The following PPP2R2A variants were observed in gnomAD, a reference collection of about 807,000 sequenced individuals.
PPP2R2A encodes serine/threonine-protein phosphatase 2A 55 kDa regulatory subunit B alpha isoform.
PPP2R2A carries 9 observed loss-of-function variants against 53.2 expected under a neutral mutation model. That is an observed-to-expected ratio of 0.17 (90% CI 0.10 to 0.30). The LOEUF is 0.30. Among genes scored for constraint, PPP2R2A ranks in the 10% least tolerant of loss-of-function variants. The pLI is 1.00. For synonymous variants in PPP2R2A, 169 were observed against 174.2 expected (o/e 0.97, Z 0.23); for missense variants, 235 against 534.6 (o/e 0.44, Z 5.53).
chr8:26,309,276 CTCTA>C (rs560619721), intron 2 of PPP2R2A, among the ~76,000 whole-genome samples: 221 of 152,354 alleles, frequency 1.5e-3, no homozygotes, highest in Non-Finnish European at 2.6e-3. Context: ...CCTTGTCCCT[CTCTA>C]TCAGAGTTCT....
At chr8:26,366,845 A>G (rs1805404548) in intron 9 of PPP2R2A, among the ~76,000 whole-genome samples, 1 of 152,176 alleles carries the variant, frequency 6.6e-6, no homozygotes, top group Non-Finnish European at 1.5e-5. Context: ...GATGTTAACC[A>G]TAATATATAT....
chr8:26,345,676 G>A (rs1804175319), intron 3 of PPP2R2A, among the ~76,000 whole-genome samples: 1 of 151,956 alleles, frequency 6.6e-6, no homozygotes, highest in Non-Finnish European at 1.5e-5. Flanking sequence ...TTTTTTCAGG[G>A]TTGGGAGGTG....
intron 2 of PPP2R2A, chr8:26,333,704 C>A: frequency 3.3e-6 from 1 of 301,214 alleles, no homozygotes; most frequent in Non-Finnish European, 5.6e-6. Context: ...ATTTTTGAAC[C>A]TTTGGCTGTA....
At position 26,291,558 on chromosome 8, in the gene PPP2R2A, C is replaced by CGCT; in HGVS notation, c.-260_-259insTGC. The CGCT allele has an allele frequency of 1.9e-6, 1 of 526,146 alleles. No homozygotes were observed. The highest frequency in any genetic ancestry group is 3.4e-6 in the Non-Finnish European group (1 of 297,008). 32.6% of individuals were successfully genotyped at this position (526,146 alleles called of 1,614,324 possible). A position where few individuals can be genotyped will look rare whatever the true frequency, so the allele number is the denominator to read the frequency against. On this transcript the variant is annotated 5_prime_UTR_variant, in exon 1 of 10. Transcript: ENST00000380737. ...TGGAGTCGCCTGCCCCTGCCGCTGC[C>CGCT]GCCGCCGCCGTCGCTGTCGTAGTCG...
chr8:26,339,445 G>A (rs1803830545), intron 3 of PPP2R2A, among the ~76,000 whole-genome samples: 1 of 152,140 alleles, frequency 6.6e-6, no homozygotes, highest in Non-Finnish European at 1.5e-5. Flanking sequence ...CTGTTACAAT[G>A]ATTTAAATGT....
intron 2 of PPP2R2A, among the ~76,000 whole-genome samples, chr8:26,316,555 C>T (rs1050467843): frequency 6.6e-6 from 1 of 152,150 alleles, no homozygotes; most frequent in Non-Finnish European, 1.5e-5. Flanking sequence ...ATATATTTGT[C>T]TTAGAATGAA....
intron 2 of PPP2R2A, among the ~76,000 whole-genome samples, chr8:26,308,618 T>G: frequency 6.6e-6 from 1 of 152,218 alleles, no homozygotes; most frequent in Non-Finnish European, 1.5e-5. Context: ...TCTCTCGCTA[T>G]TTCCACTACT....
In PPP2R2A at chr8:26,366,411, T is replaced by G; in HGVS notation, c.1064+5T>G. 1 of 1,566,434 alleles carries G rather than the reference T, an allele frequency of 6.4e-7. No homozygotes were observed. The highest frequency in any genetic ancestry group is 8.6e-7 in the Non-Finnish European group (1 of 1,156,946). ...TTGTTGGAATGGATCTGACAGGTAA[T>G]TAAGTCAAACCTCTCAAATATGAAT... On this transcript the variant is annotated splice_donor_5th_base_variant and intron_variant, in intron 9 of 9. Coordinates refer to ENST00000380737, the MANE Select transcript of PPP2R2A (RefSeq NM_002717.4).
intron 2 of PPP2R2A, among the ~76,000 whole-genome samples, chr8:26,314,467 C>A (rs1157837456): frequency 7.1e-6 from 1 of 140,362 alleles, no homozygotes; most frequent in South Asian, 2.7e-4. Flanking sequence ...ACATCTTTTT[C>A]TTTCTTGTTT....
chr8:26,315,119 A>C (rs1282811773), intron 2 of PPP2R2A, among the ~76,000 whole-genome samples: 4 of 151,964 alleles, frequency 2.6e-5, no homozygotes, highest in African/African-American at 9.7e-5. Flanking sequence ...TTCATTTTCT[A>C]ATCTGAGCAT....
At chr8:26,303,022 A>T (rs928425976) in intron 2 of PPP2R2A, among the ~76,000 whole-genome samples, 2 of 152,214 alleles carry the variant, frequency 1.3e-5, no homozygotes, top group African/African-American at 4.8e-5. Context: ...ATAATGCTTT[A>T]CAAGTCTCAT....
At chr8:26,299,461 A>G (rs1007013412) in intron 2 of PPP2R2A, among the ~76,000 whole-genome samples, 3 of 152,196 alleles carry the variant, frequency 2.0e-5, no homozygotes, top group South Asian at 2.1e-4. Context: ...ATTTTATGAA[A>G]CTTGGATCCA....
rs1047968741 is a variant in PPP2R2A, at chr8:26,362,419, C to G, written c.638-265C>G. 6.6e-6 allele frequency among the ~76,000 whole-genome samples: 1 copy of G among 151,278 alleles called. No individual in the cohort carries two copies. Among genetic ancestry groups the G allele is most frequent in the Non-Finnish European group, 1.5e-5 (1 of 67,852 alleles). On this transcript the variant is annotated intron_variant, in intron 6 of 9. Coordinates refer to ENST00000380737, the MANE Select transcript of PPP2R2A (RefSeq NM_002717.4). The surrounding 1 kb of genome is among the most constrained non-coding windows in gnomAD (Gnocchi z 4.4). ...TTTCTGGAGACTGATGCAGTAGAATCGCTTGAACCTGGGAGTCGGAGGCTG... is the reference window on the plus strand; with the variant it reads ...TTTCTGGAGACTGATGCAGTAGAATGGCTTGAACCTGGGAGTCGGAGGCTG...
chr8:26,326,144 A>G (rs987379147), intron 2 of PPP2R2A, among the ~76,000 whole-genome samples: 1 of 152,204 alleles, frequency 6.6e-6, no homozygotes, highest in African/African-American at 2.4e-5. Flanking sequence ...CTTGTTAGGT[A>G]AATGTTAAAT....
chr8:26,292,995 T>G (rs1801375587), intron 1 of PPP2R2A: 1 of 417,060 alleles, frequency 2.4e-6, no homozygotes, highest in African/African-American at 2.0e-5. Context: ...AGATTAAAAT[T>G]GTTTTGCACG....
chr8:26,325,144 C>T (rs1047650817), intron 2 of PPP2R2A, among the ~76,000 whole-genome samples: 1 of 151,292 alleles, frequency 6.6e-6, no homozygotes, highest in African/African-American at 2.4e-5. Flanking sequence ...GGGGTTGGGG[C>T]AGAATGATAA....
Position 26,371,170 on chromosome 8 carries a change from G to A in PPP2R2A, c.*757G>A, listed in dbSNP as rs1805652705. On this transcript the variant is annotated 3_prime_UTR_variant, in exon 10 of 10. Coordinates refer to ENST00000380737, the MANE Select transcript of PPP2R2A (RefSeq NM_002717.4). ...TTTTCTTTTTAACCTACCTCTTGTA[G>A]CCAATATTTTGTGTCATACCTTTGG... 1.3e-5 allele frequency: 2 copies of A among 152,080 alleles called. 1 individual carries two copies. Among genetic ancestry groups the A allele is most frequent in the South Asian group, 4.1e-4 (2 of 4,826 alleles). 9.4% of individuals were successfully genotyped at this position (152,080 alleles called of 1,614,324 possible).
At chr8:26,335,099 C>T (rs1803587349) in intron 2 of PPP2R2A, among the ~76,000 whole-genome samples, 1 of 152,192 alleles carries the variant, frequency 6.6e-6, no homozygotes, top group Non-Finnish European at 1.5e-5. Flanking sequence ...CAAGACCATA[C>T]CCCATTCTTG....
chr8:26,362,680 C>G lies in PPP2R2A; in HGVS notation c.638-4C>G, dbSNP rs1169052201. ...TGGAAATTCCTTAATAAAATGTTAT[C>G]TAGACATTGTGGATATCAAGCCTGC... is the stretch of plus-strand genomic sequence containing the variant. On this transcript the variant is annotated splice_region_variant and splice_polypyrimidine_tract_variant and intron_variant, in intron 6 of 9. Coordinates refer to ENST00000380737, the MANE Select transcript of PPP2R2A (RefSeq NM_002717.4). This position sits in a 1 kb window ranked among gnomAD's most constrained non-coding sequence, Gnocchi z 4.4. The G allele has an allele frequency of 1.2e-6, 2 of 1,612,822 alleles. No individual in the cohort carries two copies. The highest frequency in any genetic ancestry group is 2.7e-5 in the African/African-American group (2 of 74,824).
Sources: gnomAD v4.1 joint callset for allele counts (sites outside exome capture counted in the v4.1 genomes callset) on GRCh38, gnomAD v4.1.1 for gene constraint, Gnocchi (gnomAD v3.1) non-coding constraint, MANE v1.5 for transcripts, NCBI Gene and HGNC (gene_info 2026-07-23, HGNC 2026-07-21) for gene names.